PTAFR: variants seen among roughly 807,000 people sequenced by gnomAD.
PTAFR encodes platelet activating factor receptor, also known as platelet-activating factor receptor.
PTAFR carries 8 observed loss-of-function variants against 14.7 expected under a neutral mutation model. That is an observed-to-expected ratio of 0.54 (90% CI 0.32 to 0.98). The LOEUF (loss-of-function observed/expected upper bound fraction) is 0.98. Among genes scored for constraint, PTAFR ranks in the 50% least tolerant of loss-of-function variants. The pLI is 0.04. For missense variants in PTAFR, 337 were observed against 451.2 expected, an observed-to-expected ratio of 0.75 and a Z score of 2.29; for synonymous variants, 156 against 176.5, an observed-to-expected ratio of 0.88 and a Z score of 0.92.
At chr1:28,178,107 G>A (rs1180602484), upstream of PTAFR, among the ~76,000 whole-genome samples, 2 of 152,066 alleles carry the variant, frequency 1.3e-5, no homozygotes, top group East Asian at 1.9e-4. Flanking sequence ...CAGGACCAGG[G>A]TCCCACAGCA....
intron 1 of PTAFR, among the ~76,000 whole-genome samples, chr1:28,184,088 T>TG (rs1646585468): frequency 7.8e-6 from 1 of 127,422 alleles, no homozygotes; most frequent in Non-Finnish European, 1.6e-5. Flanking sequence ...GTCTGTTTTT[T>TG]TTTTTTTTTT....
At chr1:28,193,258 G>A (rs1242435922) in intron 1 of PTAFR, among the ~76,000 whole-genome samples, 1 of 152,186 alleles carries the variant, frequency 6.6e-6, no homozygotes, top group South Asian at 2.1e-4. Context: ...AGGGTCTTCC[G>A]GGTTGGGGTG....
rs182998183 is a variant in PTAFR, at chr1:28,183,536, G to A, written c.-39+10186C>T. On this transcript the variant is annotated intron_variant, in intron 1 of 1. Transcript: ENST00000305392. ...CTAGCTACTCAGGAAGCTAAGGTGG[G>A]AGGATCACTCGAGCCCAGCAGGTTG... Among the ~76,000 whole-genome samples, 9 of 152,344 alleles carry A rather than the reference G, an allele frequency of 5.9e-5. No individual in the cohort carries two copies. The East Asian group carries it at 1.7e-3, about 29-fold the overall frequency.
chr1:28,175,917 A>G (rs1187201096), intron 1 of PTAFR, among the ~76,000 whole-genome samples: 1 of 151,996 alleles, frequency 6.6e-6, no homozygotes, highest in Non-Finnish European at 1.5e-5. Context: ...TGGCTCCCTG[A>G]GATCCAAGCT....
intron 1 of PTAFR, among the ~76,000 whole-genome samples, chr1:28,169,885 A>G (rs1332803504): frequency 6.6e-6 from 1 of 152,080 alleles, no homozygotes; most frequent in East Asian, 1.9e-4. Flanking sequence ...CTGTAATCCC[A>G]GCTACTCGGG....
rs1400891395 is a variant in PTAFR at position 28,150,433 on chromosome 1, G to C, written c.589C>G (p.Leu197Val). 1 of 1,614,128 alleles carries C rather than the reference G, an allele frequency of 6.2e-7. No individual in the cohort carries two copies. Among genetic ancestry groups the C allele is most frequent in the Admixed American group, 1.7e-5 (1 of 59,984 alleles). ...CAGAAGAGGATGATGAGGAAGACCA[G>C]GAAGAAGCTGAACACGATGAAGATG... ...IHIFIVFSFF[L>V]VFLIILFCNL... is the part of the protein sequence containing the mutation. The change falls in exon 2 of 2, where the codon CTG becomes GTG. Residue 197 changes from leucine to valine, a missense_variant. Transcript: ENST00000373857. This position sits in a 1 kb window ranked among gnomAD's most constrained non-coding sequence, Gnocchi z 6.3.
chr1:28,168,863 T>TTG, intron 1 of PTAFR, among the ~76,000 whole-genome samples: 1 of 152,016 alleles, frequency 6.6e-6, no homozygotes, highest in African/African-American at 2.4e-5. Flanking sequence ...AGACGGGGTT[T>TTG]CAACATGTTG....
intron 1 of PTAFR, among the ~76,000 whole-genome samples, chr1:28,157,084 G>A (rs183485383): frequency 1.3e-5 from 2 of 152,262 alleles, no homozygotes; most frequent in Non-Finnish European, 1.5e-5. Context: ...GGCATTCACT[G>A]GTTGCAAAAT....
At position 28,172,597 on chromosome 1, in the gene PTAFR, A is replaced by G. The variant is rs964167101; in HGVS notation, c.-39+3995T>C. The stretch of plus-strand genomic sequence containing the variant: ...AGAGCTGAGTGAAGCAATTTACTCA[A>G]TAACTGTGAACTCCCTTCCCTGCTG... On this transcript the variant is annotated intron_variant, in intron 1 of 1. Transcript: ENST00000373857. Among the ~76,000 whole-genome samples the G allele has an allele frequency of 7.2e-5, 11 of 152,346 alleles. No individual in the cohort carries two copies. In the South Asian group the frequency reaches 1.4e-3, roughly 20 times the overall value.
chr1:28,178,998 C>CAA (rs369253626), upstream of PTAFR, among the ~76,000 whole-genome samples: 2 of 146,844 alleles, frequency 1.4e-5, no homozygotes, highest in Admixed American at 6.8e-5. Flanking sequence ...ATATTTAAAA[C>CAA]AAAAAAAAAA....
At chr1:28,185,386 T>C (rs533048059) in intron 1 of PTAFR, among the ~76,000 whole-genome samples, 2 of 152,326 alleles carry the variant, frequency 1.3e-5, no homozygotes, top group South Asian at 2.1e-4. Context: ...ACAACTATTA[T>C]AAAGGGGTTG....
chr1:28,188,781 T>C (rs2938867), intron 1 of PTAFR, among the ~76,000 whole-genome samples: 50,434 of 151,916 alleles, frequency 0.33, 9,083 homozygotes, highest in African/African-American at 0.46. Flanking sequence ...CAGAAGATAT[T>C]TGCAACATAT....
At chr1:28,181,143 G>A (rs1389382696), upstream of PTAFR, among the ~76,000 whole-genome samples, 2 of 152,026 alleles carry the variant, frequency 1.3e-5, no homozygotes, top group South Asian at 2.1e-4. Context: ...CACCACGCCC[G>A]GTCGTGTGTT....
At chr1:28,152,429 CCT>C (rs2148992912) in intron 1 of PTAFR, among the ~76,000 whole-genome samples, 1 of 152,078 alleles carries the variant, frequency 6.6e-6, no homozygotes, top group Non-Finnish European at 1.5e-5. Flanking sequence ...TGGTGCAACC[CCT>C]GTCTGTACAA....
intron 1 of PTAFR, among the ~76,000 whole-genome samples, chr1:28,181,813 A>AAAAGAT (rs1646564908): frequency 6.6e-6 from 1 of 152,126 alleles, no homozygotes; most frequent in African/African-American, 2.4e-5. Flanking sequence ...ACTATTGATT[A>AAAAGAT]AAAGATAATT....
chr1:28,162,577 G>A (rs565892334), intron 1 of PTAFR, among the ~76,000 whole-genome samples: 2 of 152,238 alleles, frequency 1.3e-5, no homozygotes, highest in Admixed American at 6.5e-5. Flanking sequence ...TGTCATCCCA[G>A]CAGTTTGGGA....
chr1:28,177,722 T>C (rs567083247), upstream of PTAFR, among the ~76,000 whole-genome samples: 3 of 152,252 alleles, frequency 2.0e-5, no homozygotes, highest in African/African-American at 7.2e-5. Flanking sequence ...GATTCAAATT[T>C]GGACATACTT....
At chr1:28,153,515 G>C (rs977081553) in intron 1 of PTAFR, among the ~76,000 whole-genome samples, 2 of 150,848 alleles carry the variant, frequency 1.3e-5, no homozygotes, top group African/African-American at 4.9e-5. Context: ...GGAGGCCAAG[G>C]CAGACAGATC....
chr1:28,191,046 C>T (rs1430620462), intron 1 of PTAFR, among the ~76,000 whole-genome samples: 1 of 152,260 alleles, frequency 6.6e-6, no homozygotes, highest in Non-Finnish European at 1.5e-5. Context: ...CTCTCCCTCA[C>T]CCTTTCCCTC....
Sources: gnomAD v4.1 joint callset for allele counts (sites outside exome capture counted in the v4.1 genomes callset) on GRCh38, gnomAD v4.1.1 for gene constraint, Gnocchi (gnomAD v3.1) non-coding constraint, MANE v1.5 for transcripts, NCBI Gene and HGNC (gene_info 2026-07-23, HGNC 2026-07-21) for gene names.